Variants in PIK3C3 observed in about 807,000 individuals in gnomAD.
The protein encoded by PIK3C3 is phosphatidylinositol 3-kinase catalytic subunit type 3, also known as PI3-kinase type 3.
PIK3C3 carries 95 observed loss-of-function variants against 126.1 expected under a neutral mutation model. The observed-to-expected ratio is 0.75, with a 90% CI of 0.64 to 0.89. The LOEUF is 0.89. Ranked by LOEUF, PIK3C3 falls within the 40% of genes least tolerant of loss-of-function variation. The pLI is 0.00. For missense variants in PIK3C3, 829 were observed against 1,063.2 expected, an observed-to-expected ratio of 0.78 and a Z score of 3.06; for synonymous variants, 374 against 360.0, an observed-to-expected ratio of 1.04 and a Z score of -0.44.
At chr18:41,975,628 A>T (rs895431058) in intron 4 of PIK3C3, among the ~76,000 whole-genome samples, 4 of 151,904 alleles carry the variant, frequency 2.6e-5, no homozygotes, top group Non-Finnish European at 4.4e-5. Context: ...TTGATTTCTT[A>T]GTGAACCATG....
intron 6 of PIK3C3, among the ~76,000 whole-genome samples, chr18:41,992,009 A>G (rs1981802466): frequency 1.3e-5 from 2 of 152,220 alleles, no homozygotes; most frequent in South Asian, 2.1e-4. Flanking sequence ...TGGAGATGGT[A>G]CTTTCAAACA....
chr18:42,067,647 A>G (rs1397718631), intron 24 of PIK3C3, 134 bp downstream of exon 24: 1 of 862,678 alleles, frequency 1.2e-6, no homozygotes, highest in African/African-American at 1.7e-5. Flanking sequence ...ACATCTCACC[A>G]GCCAGCTGAA....
intron 4 of PIK3C3, among the ~76,000 whole-genome samples, chr18:41,972,203 C>T (rs1337143917): frequency 1.3e-5 from 2 of 151,936 alleles, no homozygotes; most frequent in East Asian, 1.9e-4. Context: ...AACAGTAACC[C>T]TTCATGCTTG....
chr18:42,040,569 A>G, intron 18 of PIK3C3, 108 bp from the exon 19 acceptor site: 1 of 722,474 alleles, frequency 1.4e-6, no homozygotes, highest in Non-Finnish European at 2.3e-6. Flanking sequence ...TAAGTTGTTC[A>G]GATATGGAAT....
intron 9 of PIK3C3, among the ~76,000 whole-genome samples, chr18:41,997,805 T>C (rs985637969): frequency 1.3e-5 from 2 of 152,064 alleles, no homozygotes; most frequent in African/African-American, 4.8e-5. Context: ...TTGATATGCT[T>C]GCATCTACGA....
Position 42,057,872 on chromosome 18 carries a change from T to G in PIK3C3, c.2264-11T>G, listed in dbSNP as rs1985142485. 1 of 1,612,830 alleles carries G rather than the reference T, an allele frequency of 6.2e-7. No individual in the cohort carries two copies. The highest frequency in any genetic ancestry group is 1.3e-5 in the African/African-American group (1 of 74,850). On this transcript the variant is annotated splice_polypyrimidine_tract_variant and intron_variant, in intron 21 of 24. Coordinates refer to ENST00000262039, the MANE Select transcript of PIK3C3 (RefSeq NM_002647.4). ...ATTCTGGAAACAAATGAGTTTCTTG[T>G]CAACATCCAGGCAAACTCTTCCACA...
intron 4 of PIK3C3, among the ~76,000 whole-genome samples, chr18:41,978,887 T>C (rs1981058695): frequency 6.6e-6 from 1 of 151,860 alleles, no homozygotes; most frequent in Non-Finnish European, 1.5e-5. Context: ...AAAATTGGGA[T>C]TCTTTTGATC....
intron 15 of PIK3C3, among the ~76,000 whole-genome samples, chr18:42,033,405 TG>T (rs1457195648): frequency 6.6e-6 from 1 of 152,210 alleles, no homozygotes; most frequent in East Asian, 1.9e-4. Context: ...AAAAATGCAC[TG>T]GGGCAGCATA....
At chr18:42,076,131 T>TATATATTCAC in intron 24 of PIK3C3, among the ~76,000 whole-genome samples, 1 of 83,446 alleles carries the variant, frequency 1.2e-5, no homozygotes, top group Non-Finnish European at 2.1e-5. Context: ...TGCGCATATA[T>TATATATTCAC]ATATATATAT....
chr18:42,070,499 T>C (rs923408766), intron 24 of PIK3C3: 1 of 152,132 alleles, frequency 6.6e-6, no homozygotes, highest in South Asian at 2.1e-4. Flanking sequence ...CTTAATTCTC[T>C]TTATTAAAAA....
At chr18:41,961,011 T>A (rs1162408636) in intron 2 of PIK3C3, among the ~76,000 whole-genome samples, 1 of 151,980 alleles carries the variant, frequency 6.6e-6, no homozygotes, top group Non-Finnish European at 1.5e-5. Context: ...CAAAGTAGGA[T>A]CATTTTTTTC....
At chr18:42,012,427 G>A (rs769822297) in intron 10 of PIK3C3, among the ~76,000 whole-genome samples, 6 of 152,152 alleles carry the variant, frequency 3.9e-5, no homozygotes, top group Non-Finnish European at 8.8e-5. Context: ...CTGAAGTTGA[G>A]TTGGTAGTCC....
chr18:41,977,852 T>G (rs1981006415), intron 4 of PIK3C3, among the ~76,000 whole-genome samples: 1 of 152,214 alleles, frequency 6.6e-6, no homozygotes, highest in Non-Finnish European at 1.5e-5. Context: ...GAAGTCTCAT[T>G]CATTCAGCTC....
At chr18:42,060,338 A>AT (rs1409438671) in intron 22 of PIK3C3, among the ~76,000 whole-genome samples, 1 of 152,218 alleles carries the variant, frequency 6.6e-6, no homozygotes, top group African/African-American at 2.4e-5. Context: ...TACAAAATAC[A>AT]TTATCATCTC....
At chr18:42,044,705 C>T (rs1461764555) in intron 20 of PIK3C3, among the ~76,000 whole-genome samples, 1 of 152,156 alleles carries the variant, frequency 6.6e-6, no homozygotes, top group Non-Finnish European at 1.5e-5. Flanking sequence ...AAGGCATGAG[C>T]CACCATCCCC....
chr18:42,031,442 A>G (rs1390859946), intron 15 of PIK3C3, among the ~76,000 whole-genome samples: 15 of 152,052 alleles, frequency 9.9e-5, no homozygotes, highest in Admixed American at 9.8e-4. Context: ...TTTGAGACAT[A>G]GTCTTGCTCC....
chr18:41,962,364 T>G (rs889553745), intron 2 of PIK3C3, 125 bp from the exon 3 acceptor site: 23 of 637,720 alleles, frequency 3.6e-5, no homozygotes, highest in Middle Eastern at 4.8e-4. Context: ...GCCATATTAT[T>G]TTTTAGAGTC....
intron 18 of PIK3C3, among the ~76,000 whole-genome samples, chr18:42,039,357 T>A (rs1436991115): frequency 2.0e-5 from 3 of 152,240 alleles, no homozygotes; most frequent in Admixed American, 2.0e-4. Context: ...CTTCTCAGTT[T>A]CTTCTCAGAA....
Position 41,963,826 on chromosome 18 carries a change from C to CT in PIK3C3, c.401+1208dup, listed in dbSNP as rs71370022. On this transcript the variant is annotated intron_variant, in intron 3 of 24. Transcript: ENST00000262039. Reference sequence around the variant, plus strand: ...AATTCACATATCATAAAATTCTTTGCTTTTTTTTTTTTTTGAGTTGTCGTT... The same window carrying CT: ...AATTCACATATCATAAAATTCTTTGCTTTTTTTTTTTTTTTGAGTTGTCGTT... Among the ~76,000 whole-genome samples the CT allele has an allele frequency of 4.5e-3, 600 of 134,092 alleles. 4 individuals are homozygous for CT. Among genetic ancestry groups the CT allele is most frequent in the African/African-American group, 0.013 (479 of 36,130 alleles). The allele number at this position is 134,092 out of a possible 152,430, so 88.0% of individuals were successfully genotyped here.
Sources: gnomAD v4.1 joint callset for allele counts (sites outside exome capture counted in the v4.1 genomes callset) on GRCh38, gnomAD v4.1.1 for gene constraint, MANE v1.5 for transcripts, NCBI Gene and HGNC (gene_info 2026-07-23, HGNC 2026-07-21) for gene names.